The following NEK10 variants were observed in gnomAD, a reference collection of about 807,000 sequenced individuals.
NEK10 encodes serine/threonine-protein kinase Nek10.
Under a neutral mutation model 159.8 loss-of-function variants are expected in NEK10, and 122 were observed. The ratio of observed to expected loss-of-function variants is 0.76; its 90% CI spans 0.66 to 0.89. The LOEUF (loss-of-function observed/expected upper bound fraction) is 0.89. Ranked by LOEUF, NEK10 falls within the 40% of genes least tolerant of loss-of-function variation. The probability of loss-of-function intolerance (pLI) is 0.00; values close to 1 mark genes in which losing one functional copy is unlikely to be tolerated. For synonymous variants in NEK10, 466 were observed against 457.1 expected, an observed-to-expected ratio of 1.02 and a Z score of -0.25; for missense variants, 1,342 against 1,323.1, an observed-to-expected ratio of 1.01 and a Z score of -0.22.
chr3:27,192,328 G>C, intron 25 of NEK10, 86 bp from the exon 26 acceptor site: 1 of 918,518 alleles, frequency 1.1e-6, no homozygotes, highest in Non-Finnish European at 1.7e-6. Context: ...AAACTCCACT[G>C]TGTGTCCACT....
At chr3:27,118,073 G>C (rs1295883338) in intron 33 of NEK10, among the ~76,000 whole-genome samples, 1 of 152,132 alleles carries the variant, frequency 6.6e-6, no homozygotes, top group African/African-American at 2.4e-5. Flanking sequence ...ATTAAATAAG[G>C]AATCCTTTCC....
intron 32 of NEK10, among the ~76,000 whole-genome samples, chr3:27,131,290 C>T (rs373790038): frequency 1.3e-5 from 2 of 152,148 alleles, no homozygotes. Flanking sequence ...GTCTACCAAC[C>T]AGGACAAAGG....
intron 23 of NEK10, among the ~76,000 whole-genome samples, chr3:27,253,716 A>G (rs921295964): frequency 5.3e-5 from 8 of 152,180 alleles, no homozygotes; most frequent in Non-Finnish European, 8.8e-5. Context: ...GGGACCCTGC[A>G]GGGAAGGGAA....
chr3:27,166,994 C>T (rs138893809), intron 29 of NEK10, among the ~76,000 whole-genome samples: 77 of 152,062 alleles, frequency 5.1e-4, no homozygotes, highest in African/African-American at 1.8e-3. Flanking sequence ...GAGCACACTG[C>T]CAAATACAAT....
At chr3:27,208,769 T>C (rs948287878) in intron 23 of NEK10, among the ~76,000 whole-genome samples, 1 of 152,134 alleles carries the variant, frequency 6.6e-6, no homozygotes, top group Admixed American at 6.5e-5. Flanking sequence ...AGATCCACAA[T>C]TGGGGATATT....
intron 22 of NEK10, among the ~76,000 whole-genome samples, chr3:27,263,156 C>G (rs2040564727): frequency 6.6e-6 from 1 of 152,228 alleles, no homozygotes; most frequent in African/African-American, 2.4e-5. Flanking sequence ...GCAAATGTTG[C>G]TGCCTGATTA....
intron 22 of NEK10, among the ~76,000 whole-genome samples, chr3:27,263,090 C>A (rs984497474): frequency 6.6e-6 from 1 of 152,154 alleles, no homozygotes; most frequent in African/African-American, 2.4e-5. Context: ...TACTCCAGAC[C>A]CTGTTTGCCT....
At chr3:27,360,001 G>A (rs1159220886) in intron 1 of NEK10, among the ~76,000 whole-genome samples, 1 of 152,158 alleles carries the variant, frequency 6.6e-6, no homozygotes, top group African/African-American at 2.4e-5. Flanking sequence ...CAAATTGCTG[G>A]AAAATAAACA....
intron 26 of NEK10, among the ~76,000 whole-genome samples, chr3:27,182,419 A>G (rs1371052159): frequency 6.6e-6 from 1 of 152,144 alleles, no homozygotes. Flanking sequence ...GTCTAAGAAG[A>G]GACATATAAT....
intron 23 of NEK10, among the ~76,000 whole-genome samples, chr3:27,230,452 A>G (rs1953119155): frequency 6.6e-6 from 1 of 152,060 alleles, no homozygotes; most frequent in South Asian, 2.1e-4. Flanking sequence ...CTATAAAACA[A>G]TAATACAATG....
intron 5 of NEK10, among the ~76,000 whole-genome samples, chr3:27,339,546 T>C (rs2047052808): frequency 6.6e-6 from 1 of 151,882 alleles, no homozygotes; most frequent in Non-Finnish European, 1.5e-5. Context: ...TTTGGGAGGC[T>C]AAGGTGGAAG....
chr3:27,337,220 C>T (rs745863499), intron 5 of NEK10, among the ~76,000 whole-genome samples: 8 of 151,878 alleles, frequency 5.3e-5, no homozygotes, highest in Middle Eastern at 3.2e-3. Context: ...ATCCTATTTC[C>T]GATAGCTACC....
intron 23 of NEK10, among the ~76,000 whole-genome samples, chr3:27,226,148 C>T (rs1178943848): frequency 1.3e-5 from 2 of 151,790 alleles, no homozygotes; most frequent in Non-Finnish European, 2.9e-5. Context: ...TCTCCTGCCT[C>T]AGCCTCCGGA....
At position 27,290,815 on chromosome 3, in the gene NEK10, A is replaced by T. The variant is rs2042946617; in HGVS notation, c.1606-61T>A. 3 of 1,266,802 alleles carry T rather than the reference A, an allele frequency of 2.4e-6. No homozygotes were observed. In the South Asian group the frequency reaches 4.2e-5, roughly 18 times the overall value. 78.5% of individuals were successfully genotyped at this position (1,266,802 alleles called of 1,614,324 possible). ...ACAGGGTAAAGAAGGAGAAGAGAGA[A>T]AGAGGAAGAAAGAGATAGACTAACA... On this transcript the variant is annotated intron_variant, in intron 18 of 35. Transcript: ENST00000691995.
At chr3:27,156,124 A>G (rs1218652408) in intron 30 of NEK10, among the ~76,000 whole-genome samples, 1 of 152,142 alleles carries the variant, frequency 6.6e-6, no homozygotes, top group Non-Finnish European at 1.5e-5. Context: ...GTCACCCCAT[A>G]CAAAAATCAG....
rs149514364 is a variant in NEK10, at chr3:27,261,876, C to T, written c.2015-5505G>A. On this transcript the variant is annotated intron_variant, in intron 22 of 35. Coordinates refer to ENST00000691995, the MANE Select transcript of NEK10 (RefSeq NM_001394966.1). ...GGAGTCTAAGTCTCCTTCTAGGTCT[C>T]TAATGACTTGCTTTATCAATCGGGG... Among the ~76,000 whole-genome samples the T allele has an allele frequency of 3.4e-3, 516 of 152,302 alleles. 2 individuals are homozygous for T. Among genetic ancestry groups the T allele is most frequent in the Non-Finnish European group, 5.3e-3 (360 of 68,024 alleles).
chr3:27,269,178 G>A (rs1012181734), intron 22 of NEK10, among the ~76,000 whole-genome samples: 1 of 152,200 alleles, frequency 6.6e-6, no homozygotes, highest in South Asian at 2.1e-4. Context: ...TGGGAAAGAT[G>A]CTGTGAACGT....
intron 23 of NEK10, among the ~76,000 whole-genome samples, chr3:27,220,543 T>C (rs183872544): frequency 1.3e-5 from 2 of 152,262 alleles, no homozygotes; most frequent in East Asian, 3.9e-4. Flanking sequence ...CCATAGGGTC[T>C]AGGGATTATA....
intron 3 of NEK10, among the ~76,000 whole-genome samples, chr3:27,350,975 G>A (rs1307470731): frequency 6.6e-6 from 1 of 152,068 alleles, no homozygotes; most frequent in African/African-American, 2.4e-5. Flanking sequence ...TAGTGAACCA[G>A]AGGCAAAAGT....
Sources: gnomAD v4.1 joint callset for allele counts (sites outside exome capture counted in the v4.1 genomes callset) on GRCh38, gnomAD v4.1.1 for gene constraint, MANE v1.5 for transcripts, NCBI Gene and HGNC (gene_info 2026-07-23, HGNC 2026-07-21) for gene names.